Variants in CNTN4 observed in about 807,000 individuals in gnomAD.
The protein encoded by CNTN4 is contactin 4.
A neutral mutation model predicts 122.5 loss-of-function variants in CNTN4; 77 were observed. The ratio of observed to expected loss-of-function variants is 0.63; its 90% CI spans 0.52 to 0.76. The LOEUF is 0.76. Ranked by LOEUF, CNTN4 falls within the 30% of genes least tolerant of loss-of-function variation. The pLI is 0.00. For synonymous variants in CNTN4, 512 were observed against 447.0 expected (o/e 1.15, Z -1.83); for missense variants, 1,256 against 1,259.1 (o/e 1.00, Z 0.04).
At chr3:2,541,374 G>T (rs886770099) in intron 3 of CNTN4, among the ~76,000 whole-genome samples, 1 of 152,038 alleles carries the variant, frequency 6.6e-6, no homozygotes, top group Non-Finnish European at 1.5e-5. Context: ...TATGCCAACA[G>T]ATCCTCTCAG....
At chr3:2,823,001 T>C (rs2092910583) in intron 7 of CNTN4, among the ~76,000 whole-genome samples, 1 of 152,202 alleles carries the variant, frequency 6.6e-6, no homozygotes, top group Non-Finnish European at 1.5e-5. Context: ...AAAGAAGATA[T>C]TCAAGGTTAT....
chr3:2,926,542 A>T (rs1334998547), intron 13 of CNTN4, among the ~76,000 whole-genome samples: 1 of 152,188 alleles, frequency 6.6e-6, no homozygotes, highest in East Asian at 1.9e-4. Context: ...AATGGTAATT[A>T]TGCGTGAATC....
chr3:2,853,916 C>T (rs144910435), intron 7 of CNTN4, among the ~76,000 whole-genome samples: 3 of 152,128 alleles, frequency 2.0e-5, no homozygotes, highest in Admixed American at 6.5e-5. Flanking sequence ...TGATGACTGC[C>T]GTTCCCCAAA....
At chr3:2,978,357 C>T (rs562087811) in intron 13 of CNTN4, among the ~76,000 whole-genome samples, 1 of 152,164 alleles carries the variant, frequency 6.6e-6, no homozygotes, top group Non-Finnish European at 1.5e-5. Flanking sequence ...GGTTTAAAGT[C>T]AGGGTTCACA....
intron 4 of CNTN4, among the ~76,000 whole-genome samples, chr3:2,723,332 T>C (rs1474274261): frequency 1.3e-5 from 2 of 152,220 alleles, no homozygotes; most frequent in Admixed American, 1.3e-4. Flanking sequence ...TCACATTTAA[T>C]ATGCCATTTT....
At chr3:2,673,633 C>T (rs6784227) in intron 4 of CNTN4, among the ~76,000 whole-genome samples, 3,731 of 152,136 alleles carry the variant, frequency 0.025, 62 homozygotes, top group South Asian at 0.034. Flanking sequence ...CTGCACCTCA[C>T]GGGTTCACGC....
intron 6 of CNTN4, among the ~76,000 whole-genome samples, chr3:2,755,535 C>T (rs948495622): frequency 1.3e-5 from 2 of 152,092 alleles, no homozygotes; most frequent in African/African-American, 4.8e-5. Flanking sequence ...TAGTACTAGA[C>T]AGAAAGACAT....
chr3:2,760,823 A>T (rs2320962), intron 6 of CNTN4, among the ~76,000 whole-genome samples: 1 of 152,172 alleles, frequency 6.6e-6, no homozygotes, highest in Admixed American at 6.5e-5. Flanking sequence ...CCCAAATTTG[A>T]GGTAGAACTC....
Position 2,435,799 on chromosome 3 carries a change from A to T in CNTN4, c.-89+96566A>T, listed in dbSNP as rs56030427. On this transcript the variant is annotated intron_variant, in intron 3 of 24. Transcript: ENST00000418658. ...AGACATAAATACATGCCTACATGCA[A>T]TCTGTACAAATTCTACAGAAATCAT... Among the ~76,000 whole-genome samples the T allele has an allele frequency of 6.7e-3, 1,014 of 152,298 alleles. 7 individuals are homozygous for T. The highest frequency in any genetic ancestry group is 0.022 in the African/African-American group (923 of 41,566).
At chr3:2,269,137 C>A (rs548761558) in intron 2 of CNTN4, among the ~76,000 whole-genome samples, 1 of 152,056 alleles carries the variant, frequency 6.6e-6, no homozygotes, top group African/African-American at 2.4e-5. Context: ...AAATTAGCAA[C>A]GTTTTCAAAG....
At chr3:2,158,640 G>A (rs928379472) in intron 2 of CNTN4, among the ~76,000 whole-genome samples, 1 of 152,148 alleles carries the variant, frequency 6.6e-6, no homozygotes, top group East Asian at 1.9e-4. Flanking sequence ...ACAGCAGCAG[G>A]TTTCCTTAAT....
In CNTN4 at chr3:2,174,569, A is replaced by C. The variant is rs546533951; in HGVS notation, c.-145+73930A>C. ...CACTAATCTCATTCAAAAGGGTTCC[A>C]CCCTCATGATCTAATCATCTACCAA... is the stretch of plus-strand genomic sequence containing the variant. On this transcript the variant is annotated intron_variant, in intron 2 of 24. Coordinates refer to ENST00000418658, the MANE Select transcript of CNTN4 (RefSeq NM_175607.3). Among the ~76,000 whole-genome samples, 6 of 152,222 alleles carry C rather than the reference A, an allele frequency of 3.9e-5. No individual in the cohort carries two copies. In the East Asian group the frequency reaches 1.2e-3, roughly 30 times the overall value.
At chr3:2,937,509 C>T (rs1022956870) in intron 13 of CNTN4, among the ~76,000 whole-genome samples, 2 of 152,130 alleles carry the variant, frequency 1.3e-5, no homozygotes, top group South Asian at 2.1e-4. Context: ...CATGGTTTTA[C>T]GTGGACTATT....
At chr3:2,133,843 C>A (rs765470152) in intron 2 of CNTN4, among the ~76,000 whole-genome samples, 1 of 152,138 alleles carries the variant, frequency 6.6e-6, no homozygotes, top group Non-Finnish European at 1.5e-5. Flanking sequence ...GGTCCTTTAA[C>A]AATCTTTTGA....
At chr3:2,886,568 G>A (rs1394047134) in intron 9 of CNTN4, among the ~76,000 whole-genome samples, 2 of 145,530 alleles carry the variant, frequency 1.4e-5, no homozygotes, top group Admixed American at 7.0e-5. Flanking sequence ...CTGGAGTGCA[G>A]TAGTGCGATC....
intron 2 of CNTN4, among the ~76,000 whole-genome samples, chr3:2,178,478 A>T (rs1378764471): frequency 6.6e-6 from 1 of 152,122 alleles, no homozygotes; most frequent in African/African-American, 2.4e-5. Context: ...ACATCAAACC[A>T]ATGAATTCTC....
chr3:3,014,808 T>C (rs1697584696), intron 14 of CNTN4, among the ~76,000 whole-genome samples: 1 of 152,014 alleles, frequency 6.6e-6, no homozygotes, highest in South Asian at 2.1e-4. Context: ...TTAAAAGACA[T>C]GAAAAGTTGT....
At chr3:2,852,012 A>G (rs17021399) in intron 7 of CNTN4, among the ~76,000 whole-genome samples, 5,249 of 152,250 alleles carry the variant, frequency 0.034, 204 homozygotes, top group African/African-American at 0.09. Context: ...AAGTTTCTCA[A>G]TTACAGCATT....
chr3:2,241,575 A>G (rs1231775954), intron 2 of CNTN4, among the ~76,000 whole-genome samples: 1 of 152,128 alleles, frequency 6.6e-6, no homozygotes, highest in Non-Finnish European at 1.5e-5. Context: ...ATCTTCTGCA[A>G]TGTCTTTCAG....
Sources: allele counts gnomAD v4.1 joint callset (sites outside exome capture counted in the v4.1 genomes callset), GRCh38; gene constraint gnomAD v4.1.1; transcripts MANE v1.5; gene names NCBI Gene and HGNC (gene_info 2026-07-23, HGNC 2026-07-21).